PIKFYVE: variants seen among roughly 807,000 people sequenced by gnomAD.
PIKFYVE encodes 1-phosphatidylinositol 3-phosphate 5-kinase.
A neutral mutation model predicts 257.9 loss-of-function variants in PIKFYVE; 122 were observed. That is an observed-to-expected ratio of 0.47 (90% CI 0.41 to 0.55). The LOEUF (loss-of-function observed/expected upper bound fraction) is 0.55, where lower values mean the gene tolerates loss of function less well. Ranked by LOEUF, PIKFYVE falls within the 20% of genes least tolerant of loss-of-function variation. The probability of loss-of-function intolerance (pLI) is 0.00; values close to 1 mark genes in which losing one functional copy is unlikely to be tolerated. For synonymous variants in PIKFYVE, 892 were observed against 868.9 expected (o/e 1.03, Z -0.47); for missense variants, 2,160 against 2,536.6 (o/e 0.85, Z 3.19).
rs1689427301 is a variant in PIKFYVE at position 208,271,578 on chromosome 2, C to T, written c.59C>T (p.Ser20Phe). The T allele has an allele frequency of 1.2e-6, 2 of 1,614,014 alleles. No homozygotes were observed. Among genetic ancestry groups the T allele is most frequent in the African/African-American group, 1.3e-5 (1 of 74,924 alleles). The change falls in exon 2 of 42, where the codon TCT becomes TTT. Residue 20 changes from serine (S) to phenylalanine (F), a missense_variant. Transcript: ENST00000264380. The stretch of plus-strand genomic sequence containing the variant: ...GACTCTGCTAATGATTTGCCTCGAT[C>T]TCCTACTAGTCCTTCTCATCTCACA... ...TLDSANDLPR[S>F]PTSPSHLTHF...
chr2:208,270,403 A>G (rs533833238), intron 1 of PIKFYVE, among the ~76,000 whole-genome samples: 2 of 152,252 alleles, frequency 1.3e-5, no homozygotes, highest in East Asian at 3.9e-4. Context: ...ATATAAATCA[A>G]TATGGCAGAA....
intron 24 of PIKFYVE, among the ~76,000 whole-genome samples, chr2:208,335,092 C>T (rs777716787): frequency 6.6e-5 from 10 of 152,074 alleles, no homozygotes; most frequent in Non-Finnish European, 1.5e-4. Context: ...GATGGTACTA[C>T]AGCATAATGA....
chr2:208,281,448 C>G (rs1443718095), intron 5 of PIKFYVE, among the ~76,000 whole-genome samples: 1 of 152,156 alleles, frequency 6.6e-6, no homozygotes, highest in African/African-American at 2.4e-5. Flanking sequence ...ACATGTATTT[C>G]CTTGGTTTTT....
At chr2:208,308,263 T>C (rs1057473556) in intron 12 of PIKFYVE, among the ~76,000 whole-genome samples, 3 of 151,746 alleles carry the variant, frequency 2.0e-5, no homozygotes, top group African/African-American at 7.3e-5. Flanking sequence ...TAGCCGGGTG[T>C]GGTGGTGTGC....
At chr2:208,350,622 A>AT in intron 36 of PIKFYVE, 149 bp from the exon 37 acceptor site, 1 of 785,462 alleles carries the variant, frequency 1.3e-6, no homozygotes, top group Non-Finnish European at 2.1e-6. Context: ...CAAAATTGTG[A>AT]TAAATAGGGA....
At chr2:208,303,898 A>G (rs1408278732) in intron 10 of PIKFYVE, among the ~76,000 whole-genome samples, 1 of 152,252 alleles carries the variant, frequency 6.6e-6, no homozygotes, top group African/African-American at 2.4e-5. Context: ...GGACTAAGGC[A>G]TGAAATGAAA....
intron 3 of PIKFYVE, 98 bp downstream of exon 3, chr2:208,273,831 C>T: frequency 2.0e-6 from 3 of 1,486,728 alleles, no homozygotes; most frequent in East Asian, 2.3e-5. Context: ...AACTTTCCTG[C>T]TATTTGGAAT....
intron 21 of PIKFYVE, among the ~76,000 whole-genome samples, chr2:208,329,390 A>G (rs527431705): frequency 5.6e-4 from 85 of 152,300 alleles, no homozygotes; most frequent in African/African-American, 1.9e-3. Context: ...CAACAGTTAT[A>G]TAGCCAAACT....
chr2:208,276,666 T>C (rs1194011437), intron 3 of PIKFYVE, 46 bp from the exon 4 acceptor site: 1 of 1,345,114 alleles, frequency 7.4e-7, no homozygotes, highest in Admixed American at 1.7e-5. Flanking sequence ...TGTATATAGA[T>C]ACTAGGGACT....
chr2:208,287,152 G>A (rs1187669010), intron 6 of PIKFYVE, among the ~76,000 whole-genome samples: 4 of 152,028 alleles, frequency 2.6e-5, no homozygotes, highest in East Asian at 3.9e-4. Context: ...ACTGAAATGT[G>A]GTAACACTTA....
At chr2:208,310,838 CTG>C (rs952566637) in intron 12 of PIKFYVE, among the ~76,000 whole-genome samples, 5 of 152,270 alleles carry the variant, frequency 3.3e-5, no homozygotes, top group South Asian at 2.1e-4. Flanking sequence ...AGAAGAAAAA[CTG>C]TGGATTAAAA....
intron 12 of PIKFYVE, among the ~76,000 whole-genome samples, chr2:208,310,574 A>G (rs979670103): frequency 2.6e-5 from 4 of 152,164 alleles, no homozygotes; most frequent in African/African-American, 9.7e-5. Flanking sequence ...GGTGAAAATC[A>G]CGGCTTCCGT....
intron 40 of PIKFYVE, 147 bp from the exon 41 acceptor site, chr2:208,354,424 G>A: frequency 1.2e-6 from 1 of 863,852 alleles, no homozygotes; most frequent in Non-Finnish European, 1.8e-6. Flanking sequence ...TTAGTGTGGA[G>A]AAACCCTGAG....
intron 3 of PIKFYVE, among the ~76,000 whole-genome samples, chr2:208,274,806 A>T (rs189002653): frequency 6.7e-6 from 1 of 148,262 alleles, no homozygotes; most frequent in African/African-American, 2.5e-5. Flanking sequence ...TAGCTCTTGA[A>T]TCTGACTCAC....
At chr2:208,323,342 T>C (rs936637005) in intron 17 of PIKFYVE, among the ~76,000 whole-genome samples, 3 of 141,160 alleles carry the variant, frequency 2.1e-5, no homozygotes, top group African/African-American at 5.2e-5. Context: ...TTCCCATGTA[T>C]GAGTGAGAAC....
At chr2:208,280,967 C>G (rs1574428273) in intron 5 of PIKFYVE, among the ~76,000 whole-genome samples, 1 of 152,222 alleles carries the variant, frequency 6.6e-6, no homozygotes, top group African/African-American at 2.4e-5. Context: ...CCCTGCCACC[C>G]TGGGATCCAG....
chr2:208,349,497 A>G (rs1699564158), intron 35 of PIKFYVE, among the ~76,000 whole-genome samples: 2 of 149,762 alleles, frequency 1.3e-5, no homozygotes, highest in Admixed American at 1.3e-4. Context: ...ATTGTATTAT[A>G]TGTTAATTAT....
At chr2:208,292,407 A>G (rs556234248) in intron 7 of PIKFYVE, among the ~76,000 whole-genome samples, 66 of 152,298 alleles carry the variant, frequency 4.3e-4, no homozygotes, top group African/African-American at 1.4e-3. Flanking sequence ...GTCTCCAGCT[A>G]TAATAATGAA....
intron 31 of PIKFYVE, among the ~76,000 whole-genome samples, chr2:208,342,262 T>A (rs1263479273): frequency 1.3e-5 from 2 of 152,198 alleles, no homozygotes; most frequent in Admixed American, 6.5e-5. Context: ...TAGCTTGTAA[T>A]GGAACAAAAT....
Sources: allele counts gnomAD v4.1 joint callset (sites outside exome capture counted in the v4.1 genomes callset), GRCh38; gene constraint gnomAD v4.1.1; transcripts MANE v1.5; gene names NCBI Gene and HGNC (gene_info 2026-07-23, HGNC 2026-07-21).